TBC1D30: variants seen among roughly 807,000 people sequenced by gnomAD.
TBC1D30 encodes the protein TBC1 domain family, member 30.
Under a neutral mutation model 63.2 loss-of-function variants are expected in TBC1D30, and 31 were observed. The observed-to-expected ratio is 0.49, with a 90% CI of 0.37 to 0.66. TBC1D30 has a LOEUF of 0.66. TBC1D30 is among the 30% of genes least tolerant of loss of function. The pLI is 0.00. For missense variants in TBC1D30, 810 were observed against 953.6 expected (o/e 0.85, Z 1.98); for synonymous variants, 307 against 361.5 (o/e 0.85, Z 1.71).
intron 2 of TBC1D30, among the ~76,000 whole-genome samples, chr12:64,799,771 A>C (rs1214091052): frequency 6.6e-6 from 1 of 152,200 alleles, no homozygotes; most frequent in Non-Finnish European, 1.5e-5. Context: ...GAACCACCCT[A>C]ATCTTCAAAG....
intron 2 of TBC1D30, among the ~76,000 whole-genome samples, chr12:64,808,177 A>C (rs1306243398): frequency 6.6e-6 from 1 of 151,936 alleles, no homozygotes; most frequent in Non-Finnish European, 1.5e-5. Flanking sequence ...AGTACTTACA[A>C]TTTATCACAT....
intron 3 of TBC1D30, among the ~76,000 whole-genome samples, chr12:64,830,093 C>T (rs1380051339): frequency 6.6e-6 from 1 of 152,158 alleles, no homozygotes; most frequent in Non-Finnish European, 1.5e-5. Context: ...TGAAAATCTT[C>T]TTGGTTTGTC....
intron 5 of TBC1D30, among the ~76,000 whole-genome samples, chr12:64,834,527 C>A (rs188917736): frequency 4.6e-5 from 7 of 151,664 alleles, no homozygotes; most frequent in Admixed American, 2.0e-4. Flanking sequence ...CTGCCTCAGC[C>A]TCCCGAGTAG....
chr12:64,810,659 G>A (rs961039990), intron 2 of TBC1D30, among the ~76,000 whole-genome samples: 27 of 152,244 alleles, frequency 1.8e-4, no homozygotes, highest in Admixed American at 1.3e-3. Flanking sequence ...CTAATGCTAT[G>A]TAACACAGTT....
chr12:64,875,050 A>G lies in TBC1D30; in HGVS notation c.1548A>G (p.Pro516=), dbSNP rs1344983106. 33 of 1,536,660 alleles carry G rather than the reference A, an allele frequency of 2.1e-5. No individual in the cohort carries two copies. The highest frequency in any genetic ancestry group is 2.8e-5 in the Non-Finnish European group (32 of 1,147,066). Residue 516 remains proline, a synonymous_variant, in exon 12 of 12, where the codon CCA becomes CCG. Coordinates refer to ENST00000539867, the MANE Select transcript of TBC1D30 (RefSeq NM_015279.2). ...TCCCGTCTCAGGTAAACAGTTCTCC[A>G]GTTATAAACCACCTTCTTTTAGGAA... ...SILPSQVNSS[P]VINHLLLGKK... is the part of the protein sequence containing the mutation.
In TBC1D30 at chr12:64,840,004, C is replaced by CAAAAAAAAAAAAAAAA. The variant is rs60440376; in HGVS notation, c.932+1162_932+1177dup. Among the ~76,000 whole-genome samples the CAAAAAAAAAAAAAAAA allele has an allele frequency of 1.1e-3, 112 of 98,286 alleles. 5 individuals are homozygous for CAAAAAAAAAAAAAAAA. Among genetic ancestry groups the CAAAAAAAAAAAAAAAA allele is most frequent in the African/African-American group, 4.9e-3 (94 of 19,314 alleles). The allele number at this position is 98,286 out of a possible 152,430, so 64.5% of individuals were successfully genotyped here. ...TGGACGACAGAGCAAGACTCTGTCT[C>CAAAAAAAAAAAAAAAA]AAAAAAAAAAAAAAAAAAAAAAAAT... is the stretch of plus-strand genomic sequence containing the variant. On this transcript the variant is annotated intron_variant, in intron 7 of 11. Transcript: ENST00000539867.
chr12:64,824,405 C>T (rs1438487236), upstream of TBC1D30, among the ~76,000 whole-genome samples: 1 of 152,174 alleles, frequency 6.6e-6, no homozygotes, highest in Non-Finnish European at 1.5e-5. Flanking sequence ...CTTGGTGCTC[C>T]CTCTGTTCCC....
intron 8 of TBC1D30, among the ~76,000 whole-genome samples, chr12:64,855,078 T>TA: frequency 6.6e-6 from 1 of 151,766 alleles, no homozygotes; most frequent in Non-Finnish European, 1.5e-5. Flanking sequence ...ATATACTTAC[T>TA]ATGCTAGGGT....
intron 2 of TBC1D30, among the ~76,000 whole-genome samples, chr12:64,807,140 A>G (rs972423277): frequency 4.6e-5 from 7 of 152,140 alleles, no homozygotes; most frequent in Middle Eastern, 3.2e-3. Flanking sequence ...GACTGGGATC[A>G]TGGGGGTGGT....
chr12:64,836,558 T>C lies in TBC1D30; in HGVS notation c.663T>C (p.Ser221=). 1 of 1,536,078 alleles carries C rather than the reference T, an allele frequency of 6.5e-7. No homozygotes were observed. Among genetic ancestry groups the C allele is most frequent in the Non-Finnish European group, 8.7e-7 (1 of 1,146,876 alleles). Residue 221 remains serine, a synonymous_variant, in exon 6 of 12, where the codon TCT becomes TCC. Transcript: ENST00000539867. ...SYFVNNLRAL[S]VDMAVFRDLL... ...TCGTCAATAATCTCCGGGCATTGTC[T>C]GTGGATATGGCTGTCTTCAGAGACC...
chr12:64,829,226 A>G (rs142364080), intron 3 of TBC1D30, among the ~76,000 whole-genome samples: 12 of 152,084 alleles, frequency 7.9e-5, no homozygotes, highest in Non-Finnish European at 1.6e-4. Flanking sequence ...TGAACGGGCT[A>G]CTCTGGGTAC....
At chr12:64,807,918 G>GTTTTTTTTTTTTT (rs774145443) in intron 2 of TBC1D30, among the ~76,000 whole-genome samples, 6,247 of 93,204 alleles carry the variant, frequency 0.067, 1,050 homozygotes, top group East Asian at 0.15. Flanking sequence ...CCTAATTTAA[G>GTTTTTTTTTTTTT]TTTTTTTTTT....
chr12:64,796,284 AC>A (rs1329111426), intron 2 of TBC1D30, among the ~76,000 whole-genome samples: 1 of 152,008 alleles, frequency 6.6e-6, no homozygotes, highest in South Asian at 2.1e-4. Flanking sequence ...ATCTCCATTT[AC>A]CCACAACCTT....
intron 2 of TBC1D30, among the ~76,000 whole-genome samples, chr12:64,791,302 C>G (rs534314369): frequency 6.6e-6 from 1 of 152,102 alleles, no homozygotes; most frequent in East Asian, 1.9e-4. Flanking sequence ...GTATAGGTTT[C>G]TTATTGGTGT....
intron 2 of TBC1D30, chr12:64,787,303 T>G: frequency 1.1e-6 from 1 of 888,148 alleles, no homozygotes; most frequent in East Asian, 1.2e-4. Flanking sequence ...AATAGCCTTA[T>G]GTTTTATTCT....
At chr12:64,769,452 A>G (rs1870827700) in intron 1 of TBC1D30, among the ~76,000 whole-genome samples, 2 of 149,274 alleles carry the variant, frequency 1.3e-5, no homozygotes, top group Admixed American at 6.7e-5. Context: ...ATCTCGGCTC[A>G]CTGCAACCTC....
chr12:64,821,315 G>C (rs1873871948), upstream of TBC1D30, among the ~76,000 whole-genome samples: 1 of 152,204 alleles, frequency 6.6e-6, no homozygotes, highest in Admixed American at 6.5e-5. Context: ...CATGACGTCA[G>C]AGCCAAAGGG....
At chr12:64,810,030 C>A (rs758278930) in intron 2 of TBC1D30, among the ~76,000 whole-genome samples, 1 of 152,114 alleles carries the variant, frequency 6.6e-6, no homozygotes, top group East Asian at 1.9e-4. Context: ...TCCCATGCTC[C>A]GTTGATGAAG....
intron 1 of TBC1D30, among the ~76,000 whole-genome samples, chr12:64,767,801 AGGGG>A (rs370060179): frequency 2.8e-5 from 2 of 70,392 alleles, no homozygotes; most frequent in South Asian, 5.3e-4. Flanking sequence ...GGGGGGGGGG[AGGGG>A]GGGGAGATAG....
Sources: allele counts gnomAD v4.1 joint callset (sites outside exome capture counted in the v4.1 genomes callset), GRCh38; gene constraint gnomAD v4.1.1; transcripts MANE v1.5; gene names NCBI Gene and HGNC (gene_info 2026-07-23, HGNC 2026-07-21).